TNKS: variants seen among roughly 807,000 people sequenced by gnomAD.
TNKS encodes the protein poly [ADP-ribose] polymerase tankyrase-1.
A neutral mutation model predicts 135.8 loss-of-function variants in TNKS; 72 were observed. That is an observed-to-expected ratio of 0.53 (90% CI 0.44 to 0.64). TNKS has a LOEUF of 0.64. Among genes scored for constraint, TNKS ranks in the 30% least tolerant of loss-of-function variants. The probability of loss-of-function intolerance (pLI) is 0.00; values close to 1 mark genes in which losing one functional copy is unlikely to be tolerated. For synonymous variants in TNKS, 849 were observed against 649.3 expected (o/e 1.31, Z -4.68); for missense variants, 1,769 against 1,674.0 (o/e 1.06, Z -0.99).
At chr8:9,644,569 G>C (rs1057368259) in intron 3 of TNKS, among the ~76,000 whole-genome samples, 2 of 152,046 alleles carry the variant, frequency 1.3e-5, no homozygotes, top group Admixed American at 1.3e-4. Context: ...CTGAAGGCTT[G>C]TCTCCCATGT....
intron 1 of TNKS, among the ~76,000 whole-genome samples, chr8:9,573,857 C>G (rs188850016): frequency 4.6e-5 from 7 of 152,198 alleles, no homozygotes; most frequent in African/African-American, 1.7e-4. Context: ...TTCCAAACAC[C>G]TCAGATTTTT....
chr8:9,586,552 G>A (rs1798384372), intron 2 of TNKS, among the ~76,000 whole-genome samples: 1 of 151,864 alleles, frequency 6.6e-6, no homozygotes, highest in African/African-American at 2.4e-5. Flanking sequence ...GAAAAGTAGG[G>A]GACATACCTT....
intron 3 of TNKS, among the ~76,000 whole-genome samples, chr8:9,665,314 G>T (rs992572474): frequency 6.6e-6 from 1 of 152,188 alleles, no homozygotes; most frequent in Non-Finnish European, 1.5e-5. Context: ...AGGGGAGAAG[G>T]GCTCTAATAG....
At chr8:9,567,422 T>A (rs1351604422) in intron 1 of TNKS, among the ~76,000 whole-genome samples, 1 of 152,094 alleles carries the variant, frequency 6.6e-6, no homozygotes, top group African/African-American at 2.4e-5. Context: ...CTTATTTATT[T>A]ATTTTTTTTT....
At chr8:9,654,387 C>T (rs574338634) in intron 3 of TNKS, among the ~76,000 whole-genome samples, 1 of 151,684 alleles carries the variant, frequency 6.6e-6, no homozygotes, top group African/African-American at 2.4e-5. Context: ...AAAAAACATG[C>T]TTTTACAAAA....
intron 25 of TNKS, among the ~76,000 whole-genome samples, chr8:9,769,713 G>A (rs957478565): frequency 5.1e-5 from 7 of 137,048 alleles, no homozygotes; most frequent in African/African-American, 1.1e-4. Context: ...TCCACCTCCC[G>A]TGTTCGTGCC....
At chr8:9,607,383 A>G (rs991056087) in intron 2 of TNKS, among the ~76,000 whole-genome samples, 1 of 152,192 alleles carries the variant, frequency 6.6e-6, no homozygotes, top group Non-Finnish European at 1.5e-5. Flanking sequence ...TATAGTTAGA[A>G]AAGGGAAGAG....
chr8:9,562,868 A>G (rs193099691), intron 1 of TNKS, among the ~76,000 whole-genome samples: 3 of 151,708 alleles, frequency 2.0e-5, no homozygotes, highest in Admixed American at 6.6e-5. Flanking sequence ...CTTCCATTAA[A>G]GACCAGATAT....
chr8:9,767,852 G>A (rs150144361), intron 25 of TNKS, among the ~76,000 whole-genome samples: 1,808 of 151,848 alleles, frequency 0.012, 35 homozygotes, highest in African/African-American at 0.04. Context: ...CAAGCTACTC[G>A]GGAGGCTGAG....
chr8:9,675,019 G>C (rs1434805437), intron 3 of TNKS, among the ~76,000 whole-genome samples: 2 of 152,166 alleles, frequency 1.3e-5, no homozygotes, highest in Non-Finnish European at 2.9e-5. Flanking sequence ...ATATATTTTT[G>C]AAAGATCCTG....
intron 26 of TNKS, among the ~76,000 whole-genome samples, chr8:9,775,869 G>C (rs1045170655): frequency 6.6e-6 from 1 of 151,904 alleles, no homozygotes; most frequent in Non-Finnish European, 1.5e-5. Context: ...TCATGTTATA[G>C]TTAGGGCTGA....
At chr8:9,754,909 C>CA (rs1429477074) in intron 20 of TNKS, among the ~76,000 whole-genome samples, 1 of 152,196 alleles carries the variant, frequency 6.6e-6, no homozygotes, top group Non-Finnish European at 1.5e-5. Context: ...AAGACTGCTT[C>CA]ATCCTTATTC....
At chr8:9,695,423 T>A (rs1041287322) in intron 5 of TNKS, among the ~76,000 whole-genome samples, 7 of 152,288 alleles carry the variant, frequency 4.6e-5, no homozygotes, top group African/African-American at 1.4e-4. Flanking sequence ...TTGAGTTGCA[T>A]GAAGTGGAGT....
chr8:9,686,457 G>A (rs1478321581), intron 5 of TNKS, among the ~76,000 whole-genome samples: 3 of 152,098 alleles, frequency 2.0e-5, no homozygotes, highest in Non-Finnish European at 4.4e-5. Flanking sequence ...CACTGCTGTT[G>A]GGGTGGTTTG....
intron 3 of TNKS, among the ~76,000 whole-genome samples, chr8:9,672,197 T>A (rs577213230): frequency 1.3e-5 from 2 of 152,328 alleles, no homozygotes; most frequent in African/African-American, 4.8e-5. Context: ...TATGCCTAGT[T>A]TATAAATTAA....
At chr8:9,708,046 G>C (rs552409249) in intron 8 of TNKS, among the ~76,000 whole-genome samples, 1 of 152,282 alleles carries the variant, frequency 6.6e-6, no homozygotes, top group African/African-American at 2.4e-5. Context: ...AAGTGTTACA[G>C]CATATGTGCA....
rs527544312 is a variant in TNKS, at chr8:9,660,650, G to T, written c.995-19301G>T. 5.9e-5 allele frequency among the ~76,000 whole-genome samples: 9 copies of T among 152,196 alleles called. No individual in the cohort carries two copies. In the South Asian group the frequency reaches 1.5e-3, roughly 25 times the overall value. ...ATATCATACTGAATGGACAAAAACT[G>T]GAAGCATTCCCTTTAAACACTGGCA... On this transcript the variant is annotated intron_variant, in intron 3 of 26. Coordinates refer to ENST00000310430, the MANE Select transcript of TNKS (RefSeq NM_003747.3).
intron 5 of TNKS, among the ~76,000 whole-genome samples, chr8:9,701,683 A>T (rs985089388): frequency 2.6e-5 from 4 of 152,224 alleles, no homozygotes; most frequent in Non-Finnish European, 5.9e-5. Flanking sequence ...AGAGGGTAAC[A>T]ACTCCAACTT....
intron 3 of TNKS, among the ~76,000 whole-genome samples, chr8:9,661,920 G>A (rs1268358766): frequency 6.6e-6 from 1 of 152,174 alleles, no homozygotes; most frequent in Non-Finnish European, 1.5e-5. Flanking sequence ...CACAAAGTGG[G>A]CAAAGGGTAT....
Sources: gnomAD v4.1 joint callset for allele counts (sites outside exome capture counted in the v4.1 genomes callset) on GRCh38, gnomAD v4.1.1 for gene constraint, MANE v1.5 for transcripts, NCBI Gene and HGNC (gene_info 2026-07-23, HGNC 2026-07-21) for gene names.